The following TATDN3 variants were observed in gnomAD, a reference collection of about 807,000 sequenced individuals.
The protein encoded by TATDN3 is TatD DNase domain containing 3, also known as deoxyribonuclease TATDN3.
A neutral mutation model predicts 40.1 loss-of-function variants in TATDN3; 29 were observed. The observed-to-expected ratio is 0.72, with a 90% CI of 0.54 to 0.99. TATDN3 has a LOEUF of 0.99. Among genes scored for constraint, TATDN3 ranks in the 50% least tolerant of loss-of-function variants. The pLI, the probability that TATDN3 is intolerant of heterozygous loss-of-function variation, is 0.00. For missense variants in TATDN3, 309 were observed against 321.9 expected (o/e 0.96, Z 0.31); for synonymous variants, 105 against 117.0 (o/e 0.90, Z 0.66).
intron 7 of TATDN3, among the ~76,000 whole-genome samples, chr1:212,807,043 A>C (rs1662583027): frequency 6.6e-6 from 1 of 151,180 alleles, no homozygotes; most frequent in South Asian, 2.1e-4. Context: ...TCCCAGGTTC[A>C]AGTGACTCTC....
chr1:212,806,726 TTCTC>T lies in TATDN3; in HGVS notation c.488-993_488-990del, dbSNP rs1553257489. ...TTTTATTCTGAAGATTAAGAATTTA[TTCTC>T]TCTCTCTCTCTCTCTCCATATATAT... On this transcript the variant is annotated intron_variant, in intron 7 of 9. Coordinates refer to ENST00000366974, the MANE Select transcript of TATDN3 (RefSeq NM_001042552.3). 1.7e-3 allele frequency among the ~76,000 whole-genome samples: 127 copies of T among 73,256 alleles called. 3 individuals carry two copies. The highest frequency in any genetic ancestry group is 4.4e-3 in the African/African-American group (122 of 27,698). 48.1% of individuals were successfully genotyped at this position (73,256 alleles called of 152,430 possible). A position where few individuals can be genotyped will look rare whatever the true frequency, so the allele number is the denominator to read the frequency against.
intron 4 of TATDN3, 28 bp downstream of exon 4, chr1:212,797,224 TAAAAA>T: frequency 1.3e-6 from 2 of 1,545,636 alleles, no homozygotes; most frequent in Non-Finnish European, 1.8e-6. Flanking sequence ...CAGGAACCAT[TAAAAA>T]CAAACAAACG....
At chr1:212,804,271 G>T (rs774030598) in intron 5 of TATDN3, 49 bp from the exon 6 acceptor site, 1 of 1,337,790 alleles carries the variant, frequency 7.5e-7, no homozygotes, top group Admixed American at 1.8e-5. Flanking sequence ...GATCTCTTTT[G>T]AGGTTCCTTA....
At chr1:212,811,710 A>T (rs528084388) in intron 8 of TATDN3, among the ~76,000 whole-genome samples, 303 of 146,594 alleles carry the variant, frequency 2.1e-3, no homozygotes, top group African/African-American at 3.8e-3. Flanking sequence ...TATTATTATT[A>T]TTTTTTTTTT....
chr1:212,809,407 G>A (rs1210699181), intron 8 of TATDN3, among the ~76,000 whole-genome samples: 4 of 152,132 alleles, frequency 2.6e-5, no homozygotes, highest in Non-Finnish European at 4.4e-5. Flanking sequence ...AAACTAGGCC[G>A]GGCGCAGTGG....
chr1:212,806,300 A>T (rs1240749702), intron 7 of TATDN3, among the ~76,000 whole-genome samples: 1 of 151,818 alleles, frequency 6.6e-6, no homozygotes, highest in African/African-American at 2.4e-5. Flanking sequence ...TAGCTCACAG[A>T]CTTCTAGAAA....
At chr1:212,799,437 G>A (rs1662031738) in intron 4 of TATDN3, among the ~76,000 whole-genome samples, 2 of 152,096 alleles carry the variant, frequency 1.3e-5, no homozygotes, top group South Asian at 2.1e-4. Flanking sequence ...ATTGGAGGTA[G>A]AGAAATGGGT....
At chr1:212,794,859 A>G (rs1471110846) in intron 1 of TATDN3, 2 of 640,358 alleles carry the variant, frequency 3.1e-6, no homozygotes, top group East Asian at 6.3e-5. Flanking sequence ...AGGACAGAGA[A>G]ATACCCTGTA....
At chr1:212,805,575 T>C (rs1048095335) in intron 7 of TATDN3, among the ~76,000 whole-genome samples, 3 of 152,034 alleles carry the variant, frequency 2.0e-5, no homozygotes, top group African/African-American at 7.2e-5. Context: ...AGTTTCTTAA[T>C]CAGCTCAATC....
intron 9 of TATDN3, among the ~76,000 whole-genome samples, chr1:212,813,797 G>A (rs543486512): frequency 1.2e-4 from 18 of 151,834 alleles, no homozygotes; most frequent in Non-Finnish European, 2.6e-4. Flanking sequence ...TGCAACTTCC[G>A]CCTTCTGGAT....
chr1:212,800,916 G>A (rs944247641), intron 4 of TATDN3, among the ~76,000 whole-genome samples: 3 of 146,496 alleles, frequency 2.0e-5, no homozygotes, highest in South Asian at 2.2e-4. Flanking sequence ...TACAAAAACC[G>A]TAATAGGGTG....
chr1:212,814,796 T>C (rs1211659097), intron 9 of TATDN3, among the ~76,000 whole-genome samples: 1 of 152,188 alleles, frequency 6.6e-6, no homozygotes, highest in Non-Finnish European at 1.5e-5. Flanking sequence ...GGACTTCAAT[T>C]GTAAATACCC....
intron 7 of TATDN3, 135 bp from the exon 8 acceptor site, chr1:212,807,601 C>A: frequency 1.7e-6 from 1 of 579,722 alleles, no homozygotes; most frequent in Non-Finnish European, 2.9e-6. Context: ...GTACATTTAT[C>A]CGCCCTTTAG....
At chr1:212,808,373 T>G (rs1239937422) in intron 8 of TATDN3, among the ~76,000 whole-genome samples, 1 of 151,388 alleles carries the variant, frequency 6.6e-6, no homozygotes, top group African/African-American at 2.4e-5. Context: ...GTGTGACTCC[T>G]TGATTAGGCT....
At chr1:212,802,618 G>A in intron 4 of TATDN3, 83 bp from the exon 5 acceptor site, 2 of 894,584 alleles carry the variant, frequency 2.2e-6, no homozygotes, top group Non-Finnish European at 3.8e-6. Context: ...CACCAGGATG[G>A]CATAGCACCT....
At chr1:212,812,028 T>C (rs929099652) in intron 8 of TATDN3, among the ~76,000 whole-genome samples, 5 of 151,424 alleles carry the variant, frequency 3.3e-5, no homozygotes, top group African/African-American at 1.2e-4. Context: ...AGAGACGGGG[T>C]TTCACCATGT....
chr1:212,796,201 A>G (rs1661743791), intron 2 of TATDN3, among the ~76,000 whole-genome samples: 3 of 152,222 alleles, frequency 2.0e-5, no homozygotes, highest in Admixed American at 2.0e-4. Flanking sequence ...TGGCAGCTTA[A>G]TTAGGAATGT....
At chr1:212,806,451 A>C (rs1004632879) in intron 7 of TATDN3, among the ~76,000 whole-genome samples, 3 of 139,044 alleles carry the variant, frequency 2.2e-5, no homozygotes, top group African/African-American at 2.7e-5. Context: ...GCTCACTGCA[A>C]CCTCCACCTC....
intron 4 of TATDN3, among the ~76,000 whole-genome samples, chr1:212,800,415 C>A (rs1662098551): frequency 6.6e-6 from 1 of 151,030 alleles, no homozygotes; most frequent in Non-Finnish European, 1.5e-5. Context: ...GCTCTGTCAC[C>A]CAGGCTGGAG....
Sources: allele counts gnomAD v4.1 joint callset (sites outside exome capture counted in the v4.1 genomes callset), GRCh38; gene constraint gnomAD v4.1.1; transcripts MANE v1.5; gene names NCBI Gene and HGNC (gene_info 2026-07-23, HGNC 2026-07-21).